The following MMP17 variants were observed in gnomAD, a reference collection of about 807,000 sequenced individuals.
MMP17 encodes the protein matrix metalloproteinase-17.
Under a neutral mutation model 49.1 loss-of-function variants are expected in MMP17, and 54 were observed. That is an observed-to-expected ratio of 1.10 (90% CI 0.88 to 1.38). The LOEUF is 1.38. Ranked by LOEUF, MMP17 falls within the 40% of genes most tolerant of loss-of-function variation. The probability of loss-of-function intolerance (pLI) is 0.00; values close to 1 mark genes in which losing one functional copy is unlikely to be tolerated. For synonymous variants in MMP17, 397 were observed against 383.1 expected (o/e 1.04, Z -0.42); for missense variants, 837 against 853.7 (o/e 0.98, Z 0.24).
chr12:131,841,724 C>A lies in MMP17; in HGVS notation c.807C>A (p.Tyr269Ter), dbSNP rs754064030. 31 of 1,613,644 alleles carry A rather than the reference C, an allele frequency of 1.9e-5. No individual in the cohort carries two copies. The highest frequency in any genetic ancestry group is 2.5e-5 in the Non-Finnish European group (30 of 1,179,948). Residue 269 changes from tyrosine (Y) to a stop codon, truncating the protein, a stop_gained, in exon 5 of 10, where the codon TAC (tyrosine) becomes TAA (stop). Transcript: ENST00000360564. LOFTEE classifies it high-confidence loss of function. ...VAAAHSIMRP[Y>*]YQGPVGDPLR... ...CTGCACACTCCATCATGCGGCCGTA[C>A]TACCAGGGCCCGGTGGGTGACCCGC...
At chr12:131,848,285 C>T (rs1020513192) in intron 8 of MMP17, among the ~76,000 whole-genome samples, 5 of 152,240 alleles carry the variant, frequency 3.3e-5, no homozygotes, top group Middle Eastern at 6.8e-3. Context: ...CAGGGTTCAC[C>T]GTGTTGGTCA....
chr12:131,842,387 C>T (rs1430932579), intron 5 of MMP17, among the ~76,000 whole-genome samples: 4 of 152,194 alleles, frequency 2.6e-5, no homozygotes, highest in African/African-American at 7.2e-5. Context: ...CCCTGCCGCC[C>T]GGACCCTCCC....
chr12:131,848,139 G>A (rs186824424), intron 8 of MMP17, among the ~76,000 whole-genome samples: 1 of 152,156 alleles, frequency 6.6e-6, no homozygotes, highest in Admixed American at 6.5e-5. Flanking sequence ...AGGCTGCAGT[G>A]CAGTGGTGTG....
At position 131,845,444 on chromosome 12, in the gene MMP17, T is replaced by G. The variant is rs1244103875; in HGVS notation, c.1199T>G (p.Phe400Cys). ...ERTSDHKIVF[F>C]KGDRYWVFKD... ...ACCAGCGACCACAAGATCGTCTTCT[T>G]TAAAGGTGGGTGGGCCTCCCCGTCG... The change falls in exon 8 of 10, where the codon TTT becomes TGT. Residue 400 changes from phenylalanine to cysteine, a missense_variant. By Grantham distance (205) the Phe-to-Cys change is radical. Transcript: ENST00000360564. 6.4e-7 allele frequency: 1 copy of G among 1,564,442 alleles called. No homozygotes were observed. The highest frequency in any genetic ancestry group is 1.1e-5 in the South Asian group (1 of 88,466).
chr12:131,841,748 G>C lies in MMP17; in HGVS notation c.831G>C (p.Pro277=), dbSNP rs556824823. The C allele has an allele frequency of 3.7e-6, 6 of 1,612,666 alleles. No homozygotes were observed. Among genetic ancestry groups the C allele is most frequent in the Non-Finnish European group, 5.1e-6 (6 of 1,179,690 alleles). Residue 277 remains proline, a synonymous_variant, in exon 5 of 10, where the codon CCG becomes CCC. Transcript: ENST00000360564. ...RPYYQGPVGD[P]LRYGLPYEDK... ...ACTACCAGGGCCCGGTGGGTGACCC[G>C]CTGCGCTACGGGCTCCCCTACGAGG...
chr12:131,848,165 G>C (rs1008649527), intron 8 of MMP17, among the ~76,000 whole-genome samples: 1 of 151,892 alleles, frequency 6.6e-6, no homozygotes, highest in African/African-American at 2.4e-5. Context: ...AGCTCACTGC[G>C]GCCTCGACCT....
Position 131,845,287 on chromosome 12 carries a change from G to C in MMP17, c.1052-10G>C. ...TCTCTGCAGCCCGGCCCTCCCCTCTGTGCCCCCAGGCAAGTACTTCTGGCG... is the reference window on the plus strand; with the variant it reads ...TCTCTGCAGCCCGGCCCTCCCCTCTCTGCCCCCAGGCAAGTACTTCTGGCG... On this transcript the variant is annotated splice_polypyrimidine_tract_variant and intron_variant, in intron 7 of 9. Coordinates refer to ENST00000360564, the MANE Select transcript of MMP17 (RefSeq NM_016155.7). 6.2e-7 allele frequency: 1 copy of C among 1,611,090 alleles called. No individual in the cohort carries two copies.
At chr12:131,844,900 C>T (rs2136334811) in intron 6 of MMP17, 1 of 567,990 alleles carries the variant, frequency 1.8e-6, no homozygotes, top group East Asian at 2.9e-5. Context: ...CTCCCTGGCG[C>T]TCTGTATGCT....
chr12:131,845,658 A>G (rs2136336959), intron 8 of MMP17, among the ~76,000 whole-genome samples: 1 of 152,344 alleles, frequency 6.6e-6, no homozygotes, highest in African/African-American at 2.4e-5. Flanking sequence ...AGGCACACAG[A>G]GGGCAAAACG....
intron 6 of MMP17, 167 bp from the exon 7 acceptor site, chr12:131,844,951 C>CATTAAAAAAAA: frequency 4.7e-6 from 3 of 639,792 alleles, no homozygotes; most frequent in South Asian, 3.8e-5. Flanking sequence ...AAGCGGTGGA[C>CATTAAAAAAAA]AGGCACCCCC....
chr12:131,843,134 T>C (rs1887506617), intron 5 of MMP17, among the ~76,000 whole-genome samples: 1 of 151,366 alleles, frequency 6.6e-6, no homozygotes, highest in Non-Finnish European at 1.5e-5. Flanking sequence ...CGGCTAATTT[T>C]TTGTATTTTT....
At chr12:131,845,519 G>C in intron 8 of MMP17, 70 bp downstream of exon 8, 1 of 1,486,112 alleles carries the variant, frequency 6.7e-7, no homozygotes, top group Non-Finnish European at 8.9e-7. Flanking sequence ...GGACGGAGAG[G>C]GTCCAGCCTG....
chr12:131,840,588 A>G lies in MMP17; in HGVS notation c.438A>G (p.Pro146=). The G allele has an allele frequency of 1.3e-6, 2 of 1,594,152 alleles. No individual in the cohort carries two copies. The highest frequency in any genetic ancestry group is 2.2e-5 in the South Asian group (2 of 90,372). The part of the protein sequence containing the change: ...RNLSWRVRTF[P]RDSPLGHDTV... ...CTGCCTGCAGGGTCCGGACGTTCCC[A>G]CGGGACTCACCACTGGGGCACGACA... Residue 146 remains proline (P), a synonymous_variant, in exon 4 of 10, where the codon CCA becomes CCG. Transcript: ENST00000360564.
At chr12:131,850,345 A>G (rs1887911841) in intron 9 of MMP17, among the ~76,000 whole-genome samples, 1 of 151,974 alleles carries the variant, frequency 6.6e-6, no homozygotes, top group African/African-American at 2.4e-5. Context: ...GGCACTGGCC[A>G]TGCCTCGTCT....
Position 131,838,656 on chromosome 12 carries a change from C to G in MMP17, c.337C>G (p.Pro113Ala). 1 of 1,611,216 alleles carries G rather than the reference C, an allele frequency of 6.2e-7. No individual in the cohort carries two copies. The highest frequency in any genetic ancestry group is 8.5e-7 in the Non-Finnish European group (1 of 1,179,740). The part of the protein sequence containing the change: ...ALMKTPRCSL[P>A]DLPVLTQARR... ...GATGAAAACCCCACGCTGCTCCCTG[C>G]CAGACCTCCCTGTCCTGACCCAGGC... Residue 113 changes from proline (P) to alanine (A), a missense_variant, in exon 3 of 10, where the codon CCA (proline) becomes GCA (alanine). Transcript: ENST00000360564.
intron 2 of MMP17, 82 bp downstream of exon 2, chr12:131,838,409 C>T (rs1398230238): frequency 1.3e-6 from 2 of 1,545,464 alleles, no homozygotes; most frequent in Non-Finnish European, 8.7e-7. Flanking sequence ...TGATCAGGCA[C>T]AGTCCCGTCT....
At position 131,844,936 on chromosome 12, in the gene MMP17, C is replaced by T. The variant is rs546383857; in HGVS notation, c.969-182C>T. 131 of 411,608 alleles carry T rather than the reference C, an allele frequency of 3.2e-4. 1 individual carries two copies. The highest frequency in any genetic ancestry group is 1.3e-3 in the Middle Eastern group (2 of 1,578). The allele number at this position is 411,608 out of a possible 1,614,324, so 25.5% of individuals were successfully genotyped here. ...CAGAGCGTAGATCTCGGCCCCCGCCCGCTGAAGCGGTGGACAGGCACCCCC... is the reference window on the plus strand; with the variant it reads ...CAGAGCGTAGATCTCGGCCCCCGCCTGCTGAAGCGGTGGACAGGCACCCCC... On this transcript the variant is annotated intron_variant, in intron 6 of 9. Coordinates refer to ENST00000360564, the MANE Select transcript of MMP17 (RefSeq NM_016155.7).
At chr12:131,831,789 A>G (rs1294833059) in intron 1 of MMP17, among the ~76,000 whole-genome samples, 3 of 113,236 alleles carry the variant, frequency 2.6e-5, no homozygotes, top group Admixed American at 9.8e-5. Flanking sequence ...GGTGCTTCCG[A>G]TGGTTCAGGG....
intron 1 of MMP17, among the ~76,000 whole-genome samples, chr12:131,830,694 C>T (rs528158554): frequency 3.0e-4 from 45 of 152,304 alleles, no homozygotes; most frequent in African/African-American, 1.1e-3. Context: ...AGAAGTGCTC[C>T]TTTGTCTCAG....
Sources: allele counts gnomAD v4.1 joint callset (sites outside exome capture counted in the v4.1 genomes callset), GRCh38; gene constraint gnomAD v4.1.1; transcripts MANE v1.5; gene names NCBI Gene and HGNC (gene_info 2026-07-23, HGNC 2026-07-21).